The following DNAH17 variants were observed in gnomAD, a reference collection of about 807,000 sequenced individuals.
DNAH17 encodes the protein axonemal beta dynein heavy chain 17.
In DNAH17, 376 loss-of-function variants were observed where a neutral mutation model predicts 485.6. That is an observed-to-expected ratio of 0.77 (90% CI 0.71 to 0.84). The LOEUF is 0.84. Ranked by LOEUF, DNAH17 falls within the 40% of genes least tolerant of loss-of-function variation. The probability of loss-of-function intolerance (pLI) is 0.00; values close to 1 mark genes in which losing one functional copy is unlikely to be tolerated. For synonymous variants in DNAH17, 3,031 were observed against 2,405.9 expected (o/e 1.26, Z -7.60); for missense variants, 6,370 against 5,839.3 (o/e 1.09, Z -2.96).
rs890722540 is a variant in DNAH17 at position 78,570,107 on chromosome 17, C to T, written c.1044+140G>A. The T allele has an allele frequency of 5.6e-5, 54 of 970,384 alleles. No individual in the cohort carries two copies. The Admixed American group carries it at 7.5e-4, about 13-fold the overall frequency. 60.1% of individuals were successfully genotyped at this position (970,384 alleles called of 1,614,324 possible). On this transcript the variant is annotated intron_variant, in intron 7 of 80. Coordinates refer to ENST00000389840, the MANE Select transcript of DNAH17 (RefSeq NM_173628.4). ...CCTTGAAGAGGGCTCCATCTCAGCT[C>T]GGGGCCTGAAAAGGCTTGTGCTGAC...
intron 19 of DNAH17, among the ~76,000 whole-genome samples, chr17:78,535,618 G>A (rs568776271): frequency 2.0e-5 from 3 of 152,130 alleles, no homozygotes; most frequent in African/African-American, 7.2e-5. Context: ...AATCATACGT[G>A]TCCATTATTT....
chr17:78,466,867 G>C (rs116615136), intron 55 of DNAH17, 51 bp from the exon 56 acceptor site: 2 of 1,469,302 alleles, frequency 1.4e-6, no homozygotes, highest in Non-Finnish European at 9.1e-7. Flanking sequence ...CAGTGCTGGG[G>C]CCTAATCCAT....
chr17:78,425,690 A>C, intron 79 of DNAH17, 119 bp from the exon 80 acceptor site: 1 of 886,756 alleles, frequency 1.1e-6, no homozygotes, highest in Admixed American at 2.8e-5. Flanking sequence ...TCAGCGAGCT[A>C]GAAGTGCTGG....
Position 78,532,666 on chromosome 17 carries a change from A to G in DNAH17, c.2930T>C (p.Met977Thr), listed in dbSNP as rs2091272535. The G allele has an allele frequency of 6.3e-7, 1 of 1,594,368 alleles. No individual in the cohort carries two copies. ...ATCCTGGTACTCCTCGGCCTCCTTC[A>G]TGGCATTGATGACCAGGCTGGACAC... ...EEVSSLVINAMKEAEEYQDSF... is the reference protein window; with the variant it reads ...EEVSSLVINATKEAEEYQDSF... Residue 977 changes from methionine to threonine, a missense_variant, in exon 20 of 81, where the codon ATG (methionine) becomes ACG (threonine). By Grantham distance (81) the Met-to-Thr change is moderately conservative. Coordinates refer to ENST00000389840, the MANE Select transcript of DNAH17 (RefSeq NM_173628.4).
intron 48 of DNAH17, 121 bp downstream of exon 48, chr17:78,484,747 C>G (rs866083077): frequency 2.4e-4 from 60 of 253,592 alleles, no homozygotes; most frequent in Non-Finnish European, 3.1e-4. Flanking sequence ...GCACCCCCCC[C>G]ACCGCCCCAC....
chr17:78,571,185 G>A, intron 5 of DNAH17, 94 bp downstream of exon 5: 2 of 1,320,502 alleles, frequency 1.5e-6, no homozygotes, highest in Non-Finnish European at 2.1e-6. Context: ...GCAGAGGGAG[G>A]CCAACATCCT....
chr17:78,491,798 C>T (rs760599035), intron 42 of DNAH17, among the ~76,000 whole-genome samples: 1 of 152,196 alleles, frequency 6.6e-6, no homozygotes, highest in South Asian at 2.1e-4. Flanking sequence ...CTCCTCCGAC[C>T]CTGCACCCTC....
intron 48 of DNAH17, 129 bp downstream of exon 48, chr17:78,484,739 A>ACCC: frequency 2.6e-5 from 9 of 347,788 alleles, no homozygotes; most frequent in Non-Finnish European, 3.2e-5. Flanking sequence ...ACGTTGCAGC[A>ACCC]CCCCCCCCAC....
intron 26 of DNAH17, among the ~76,000 whole-genome samples, chr17:78,511,737 A>T (rs556406095): frequency 1.3e-5 from 2 of 152,218 alleles, no homozygotes; most frequent in Admixed American, 1.3e-4. Context: ...TTGCATCTCT[A>T]ATCACATTTG....
chr17:78,552,536 G>GC (rs1343728525), intron 15 of DNAH17, among the ~76,000 whole-genome samples, 161 bp downstream of exon 15: 4 of 148,654 alleles, frequency 2.7e-5, no homozygotes, highest in African/African-American at 9.9e-5. Flanking sequence ...TTTTGCCTGG[G>GC]CAGGCAGGTG....
chr17:78,504,175 C>T (rs1244999456), intron 31 of DNAH17, among the ~76,000 whole-genome samples: 1 of 151,754 alleles, frequency 6.6e-6, no homozygotes, highest in Non-Finnish European at 1.5e-5. Context: ...AAGTGACTCT[C>T]ATGCCTCAAC....
At chr17:78,433,874 A>C (rs2146434853) in intron 75 of DNAH17, among the ~76,000 whole-genome samples, 155 bp downstream of exon 75, 1 of 145,962 alleles carries the variant, frequency 6.9e-6, no homozygotes, top group Non-Finnish European at 1.5e-5. Flanking sequence ...TGTGAAACCT[A>C]CTTGATGTCT....
At chr17:78,465,807 T>TCG (rs2088415037) in intron 56 of DNAH17, among the ~76,000 whole-genome samples, 1 of 138,528 alleles carries the variant, frequency 7.2e-6, no homozygotes, top group African/African-American at 3.0e-5. Flanking sequence ...AGGAGGGAGG[T>TCG]GGGGGGTCAG....
At chr17:78,556,600 T>C (rs1312428249) in intron 14 of DNAH17, among the ~76,000 whole-genome samples, 2 of 151,968 alleles carry the variant, frequency 1.3e-5, no homozygotes, top group African/African-American at 2.4e-5. Context: ...TTTCCCAGGG[T>C]ATATGAGTGG....
At chr17:78,506,235 G>A (rs770114706) in intron 30 of DNAH17, among the ~76,000 whole-genome samples, 34 of 147,794 alleles carry the variant, frequency 2.3e-4, no homozygotes, top group Non-Finnish European at 2.2e-4. Context: ...TCTGCCTCTC[G>A]GGTTCAAGCA....
chr17:78,454,334 C>A, intron 64 of DNAH17, 136 bp downstream of exon 64: 2 of 660,996 alleles, frequency 3.0e-6, no homozygotes, highest in Non-Finnish European at 5.2e-6. Flanking sequence ...TGCTGCTGTT[C>A]CCCAGGCCAG....
intron 14 of DNAH17, among the ~76,000 whole-genome samples, chr17:78,554,311 G>A (rs1278845492): frequency 6.6e-6 from 1 of 151,608 alleles, no homozygotes; most frequent in Non-Finnish European, 1.5e-5. Context: ...GTGGTGGTGT[G>A]CACCTGTAAT....
At chr17:78,450,151 G>GC in intron 68 of DNAH17, 103 bp downstream of exon 68, 2 of 1,401,516 alleles carry the variant, frequency 1.4e-6, no homozygotes, top group Non-Finnish European at 2.0e-6. Context: ...TCTGAGGGTG[G>GC]CCCTGGCACT....
intron 73 of DNAH17, 90 bp from the exon 74 acceptor site, chr17:78,437,958 G>A (rs2086906680): frequency 3.1e-6 from 3 of 974,164 alleles, no homozygotes; most frequent in South Asian, 1.6e-5. Context: ...CCCTGGTGAG[G>A]GCAGGGCTCT....
Sources: gnomAD v4.1 joint callset for allele counts (sites outside exome capture counted in the v4.1 genomes callset) on GRCh38, gnomAD v4.1.1 for gene constraint, MANE v1.5 for transcripts, NCBI Gene and HGNC (gene_info 2026-07-23, HGNC 2026-07-21) for gene names.